Variants in EPHA5 observed in about 807,000 individuals in gnomAD.
EPHA5 encodes the protein EPH receptor A5.
EPHA5 carries 60 observed loss-of-function variants against 105.0 expected under a neutral mutation model. That is an observed-to-expected ratio of 0.57 (90% CI 0.46 to 0.71). The LOEUF (loss-of-function observed/expected upper bound fraction) is 0.71. Ranked by LOEUF, EPHA5 falls within the 30% of genes least tolerant of loss-of-function variation. The pLI is 0.00. For missense variants in EPHA5, 1,218 were observed against 1,274.7 expected (o/e 0.96, Z 0.68); for synonymous variants, 513 against 449.1 (o/e 1.14, Z -1.80).
At chr4:65,613,381 T>C (rs966062101) in intron 2 of EPHA5, among the ~76,000 whole-genome samples, 72 of 152,194 alleles carry the variant, frequency 4.7e-4, no homozygotes, top group African/African-American at 1.7e-3. Context: ...TCATATAAAC[T>C]ATATAATTTT....
chr4:65,417,176 G>A (rs1382242756), intron 6 of EPHA5, among the ~76,000 whole-genome samples: 1 of 152,220 alleles, frequency 6.6e-6, no homozygotes, highest in Non-Finnish European at 1.5e-5. Context: ...CACGGTAGCA[G>A]AGAAGCCCAA....
At chr4:65,529,232 A>G (rs2149297755) in intron 3 of EPHA5, among the ~76,000 whole-genome samples, 1 of 152,248 alleles carries the variant, frequency 6.6e-6, no homozygotes, top group East Asian at 1.9e-4. Context: ...AAAAATCCAC[A>G]ATCTTTCAAA....
chr4:65,329,810 T>G (rs1411051672), intron 16 of EPHA5, among the ~76,000 whole-genome samples: 3 of 26,452 alleles, frequency 1.1e-4, no homozygotes, highest in African/African-American at 4.0e-4. Context: ...AATGACTGAC[T>G]TTTTTTTTTT....
At chr4:65,397,701 C>T (rs1721383946) in intron 8 of EPHA5, among the ~76,000 whole-genome samples, 1 of 151,680 alleles carries the variant, frequency 6.6e-6, no homozygotes, top group Non-Finnish European at 1.5e-5. Flanking sequence ...TTCTTCTTGT[C>T]TTGAGGCCAT....
chr4:65,506,749 T>C (rs965259922), intron 3 of EPHA5, among the ~76,000 whole-genome samples: 1 of 152,056 alleles, frequency 6.6e-6, no homozygotes, highest in African/African-American at 2.4e-5. Context: ...TTTGTTTGAG[T>C]TCATTGTCGA....
At chr4:65,583,976 T>A in intron 3 of EPHA5, among the ~76,000 whole-genome samples, 1 of 151,756 alleles carries the variant, frequency 6.6e-6, no homozygotes, top group East Asian at 1.9e-4. Context: ...TGTAATACGG[T>A]ATATATGTAA....
chr4:65,440,211 T>C (rs1725877539), intron 5 of EPHA5, among the ~76,000 whole-genome samples: 1 of 152,058 alleles, frequency 6.6e-6, no homozygotes, highest in Non-Finnish European at 1.5e-5. Flanking sequence ...ATAATCAATA[T>C]GAATACTACT....
intron 7 of EPHA5, among the ~76,000 whole-genome samples, chr4:65,407,857 G>A (rs1722514262): frequency 6.6e-6 from 1 of 151,926 alleles, no homozygotes; most frequent in Admixed American, 6.6e-5. Context: ...CAGGGCTCAT[G>A]TGATCCTCCC....
intron 3 of EPHA5, among the ~76,000 whole-genome samples, chr4:65,557,773 TA>T (rs898025785): frequency 6.6e-6 from 1 of 152,024 alleles, no homozygotes; most frequent in African/African-American, 2.4e-5. Flanking sequence ...GAAGGAGCTG[TA>T]AAGGGCTAGT....
chr4:65,473,673 G>T (rs776153157), intron 5 of EPHA5, among the ~76,000 whole-genome samples: 9 of 152,056 alleles, frequency 5.9e-5, no homozygotes, highest in Non-Finnish European at 1.0e-4. Flanking sequence ...TGGGGATTAT[G>T]GGGATTACAA....
At chr4:65,568,368 T>C (rs565128905) in intron 3 of EPHA5, among the ~76,000 whole-genome samples, 1 of 151,544 alleles carries the variant, frequency 6.6e-6, no homozygotes, top group South Asian at 2.1e-4. Context: ...ATTAACTATT[T>C]CAAATAATCA....
At chr4:65,640,875 G>C (rs1050202387) in intron 2 of EPHA5, among the ~76,000 whole-genome samples, 1 of 152,110 alleles carries the variant, frequency 6.6e-6, no homozygotes, top group African/African-American at 2.4e-5. Context: ...ATAATTCATT[G>C]AGACATTTTA....
chr4:65,493,411 T>A (rs1013300204), intron 4 of EPHA5, among the ~76,000 whole-genome samples: 1 of 152,052 alleles, frequency 6.6e-6, no homozygotes, highest in Non-Finnish European at 1.5e-5. Context: ...AAATTTGAAG[T>A]TGGAGCTATA....
chr4:65,622,064 T>C (rs35342246), intron 2 of EPHA5, among the ~76,000 whole-genome samples: 46,729 of 151,960 alleles, frequency 0.31, 7,325 homozygotes, highest in Non-Finnish European at 0.33. Flanking sequence ...GTATTTTAAG[T>C]TTAAAATTAT....
chr4:65,668,953 C>T (rs965130759), intron 1 of EPHA5, among the ~76,000 whole-genome samples: 5 of 151,976 alleles, frequency 3.3e-5, no homozygotes, highest in African/African-American at 9.7e-5. Context: ...GTGTGGGGCG[C>T]CTTCTGTCCT....
chr4:65,473,829 C>A (rs559240224), intron 5 of EPHA5, among the ~76,000 whole-genome samples: 1 of 151,420 alleles, frequency 6.6e-6, no homozygotes, highest in African/African-American at 2.4e-5. Flanking sequence ...TTTTTGACAC[C>A]CTTTTCTCCC....
intron 3 of EPHA5, among the ~76,000 whole-genome samples, chr4:65,504,581 A>T (rs1287322763): frequency 6.6e-6 from 1 of 151,928 alleles, no homozygotes; most frequent in African/African-American, 2.4e-5. Flanking sequence ...ATGGAAAGAC[A>T]TTCTGTAGTG....
At chr4:65,467,973 A>G (rs1438513484) in intron 5 of EPHA5, among the ~76,000 whole-genome samples, 1 of 152,202 alleles carries the variant, frequency 6.6e-6, no homozygotes, top group Non-Finnish European at 1.5e-5. Flanking sequence ...TAGAAAGGAT[A>G]GTAAATGAAT....
At chr4:65,530,055 G>C (rs1029877320) in intron 3 of EPHA5, among the ~76,000 whole-genome samples, 2 of 152,048 alleles carry the variant, frequency 1.3e-5, no homozygotes, top group Non-Finnish European at 2.9e-5. Context: ...TGAATACAGA[G>C]ATAATATAAG....
Sources: gnomAD v4.1 joint callset for allele counts (sites outside exome capture counted in the v4.1 genomes callset) on GRCh38, gnomAD v4.1.1 for gene constraint, MANE v1.5 for transcripts, NCBI Gene and HGNC (gene_info 2026-07-23, HGNC 2026-07-21) for gene names.